Variants in RNF213 observed in about 807,000 individuals in gnomAD.
RNF213 encodes the protein E3 ubiquitin-protein ligase RNF213.
Under a neutral mutation model 514.4 loss-of-function variants are expected in RNF213, and 341 were observed. The observed-to-expected ratio is 0.66, with a 90% CI of 0.61 to 0.73. The LOEUF (loss-of-function observed/expected upper bound fraction) is 0.73. Ranked by LOEUF, RNF213 falls within the 30% of genes least tolerant of loss-of-function variation. The probability of loss-of-function intolerance (pLI) is 0.00; values close to 1 mark genes in which losing one functional copy is unlikely to be tolerated. For missense variants in RNF213, 5,767 were observed against 6,615.6 expected, an observed-to-expected ratio of 0.87 and a Z score of 4.45; for synonymous variants, 2,655 against 2,658.2, an observed-to-expected ratio of 1.00 and a Z score of 0.04.
At chr17:80,326,989 AATC>A (rs2046297119) in intron 18 of RNF213, among the ~76,000 whole-genome samples, 1 of 152,232 alleles carries the variant, frequency 6.6e-6, no homozygotes. Context: ...TTTATCATAA[AATC>A]AGTTCCAAGA....
At chr17:80,309,859 C>T (rs2045506092) in intron 14 of RNF213, among the ~76,000 whole-genome samples, 1 of 151,352 alleles carries the variant, frequency 6.6e-6, no homozygotes. Flanking sequence ...GGGTTCACGC[C>T]ATTCTCCTGT....
rs1017198225 is a variant in RNF213 at position 80,326,912 on chromosome 17, C to G, written c.3194-904C>G. Among the ~76,000 whole-genome samples, 7 of 152,200 alleles carry G rather than the reference C, an allele frequency of 4.6e-5. 1 individual carries two copies. In the South Asian group the frequency reaches 8.3e-4, roughly 18 times the overall value. On this transcript the variant is annotated intron_variant, in intron 18 of 67. Coordinates refer to ENST00000582970, the MANE Select transcript of RNF213 (RefSeq NM_001256071.3). ...CATCTTCTCCTAATATTGTATGGCT[C>G]TAATATTACTGGGAGAGAAATCCTA...
chr17:80,331,571 T>C (rs1202480190), intron 20 of RNF213, among the ~76,000 whole-genome samples: 1 of 152,046 alleles, frequency 6.6e-6, no homozygotes, highest in African/African-American at 2.4e-5. Flanking sequence ...GTATTTTTAG[T>C]AGAGACAGGG....
chr17:80,263,894 C>A lies in RNF213; in HGVS notation c.97+116C>A. 2.5e-6 allele frequency: 2 copies of A among 785,586 alleles called. No homozygotes were observed. The highest frequency in any genetic ancestry group is 4.2e-5 in the Admixed American group (2 of 48,080). The allele number at this position is 785,586 out of a possible 1,614,324, so 48.7% of individuals were successfully genotyped here. ...CAGGCAGCTCAGGTGGGGCCGAGGTCCTCTGTGGCTACTGAGGCTCTGTGG... is the reference window on the plus strand; with the variant it reads ...CAGGCAGCTCAGGTGGGGCCGAGGTACTCTGTGGCTACTGAGGCTCTGTGG... On this transcript the variant is annotated intron_variant, in intron 2 of 67. Coordinates refer to ENST00000582970, the MANE Select transcript of RNF213 (RefSeq NM_001256071.3). The surrounding 1 kb of genome is among the most constrained non-coding windows in gnomAD (Gnocchi z 4.9).
rs148995852 is a variant in RNF213, at chr17:80,282,248, G to A, written c.262-5567G>A. On this transcript the variant is annotated intron_variant, in intron 3 of 67. Coordinates refer to ENST00000582970, the MANE Select transcript of RNF213 (RefSeq NM_001256071.3). ...TGTATGAACAGTTGCTACACGGTGC[G>A]GTGTTGCTCTTTGTGTTCTTTGTTA... Among the ~76,000 whole-genome samples, 1,177 of 152,146 alleles carry A rather than the reference G, an allele frequency of 7.7e-3. 4 individuals are homozygous for A. Among genetic ancestry groups the A allele is most frequent in the Non-Finnish European group, 0.011 (752 of 67,994 alleles).
intron 17 of RNF213, chr17:80,319,992 T>C: frequency 9.7e-7 from 1 of 1,028,446 alleles, no homozygotes; most frequent in Non-Finnish European, 1.2e-6. Context: ...TTTGATAAGG[T>C]TTTCCTTTCC....
Position 80,383,965 on chromosome 17 carries a change from G to C in RNF213, c.14322+37G>C, listed in dbSNP as rs375274212. 6.2e-6 allele frequency: 10 copies of C among 1,613,924 alleles called. No individual in the cohort carries two copies. In the African/African-American group the frequency reaches 1.3e-4, roughly 22 times the overall value. On this transcript the variant is annotated intron_variant, in intron 59 of 67. Transcript: ENST00000582970. ...TTACTGTGGCTCCCTCCCTCTTTCG[G>C]TGCAGAGTTCCCCAGCAGGCCTGAA...
intron 3 of RNF213, among the ~76,000 whole-genome samples, chr17:80,275,683 A>G (rs1333242460): frequency 6.6e-6 from 1 of 151,690 alleles, no homozygotes; most frequent in African/African-American, 2.4e-5. Context: ...TTTTTTTGAG[A>G]TGGAGTCTCA....
rs1408498329 is a variant in RNF213 at position 80,299,898 on chromosome 17, C to CT, written c.2210+1386dup. On this transcript the variant is annotated intron_variant, in intron 11 of 67. Coordinates refer to ENST00000582970, the MANE Select transcript of RNF213 (RefSeq NM_001256071.3). ...TTCCTGCAAAGGACATGATTTCATT[C>CT]TTTTTTATGGCTGCATAGTATTCCA... 1.2e-4 allele frequency among the ~76,000 whole-genome samples: 18 copies of CT among 152,272 alleles called. No individual in the cohort carries two copies. The East Asian group carries it at 2.7e-3, about 23-fold the overall frequency.
Position 80,386,289 on chromosome 17 carries a change from T to G in RNF213, c.14579T>G (p.Leu4860Trp), listed in dbSNP as rs759660765. ...CCCAAAGACTACTGCAGCACTGACT[T>G]GGATCTGGACACTGAGTTTGAGATC... is the stretch of plus-strand genomic sequence containing the variant. ...NLPKDYCSTD[L>W]DLDTEFEILL... Residue 4860 changes from leucine to tryptophan, a missense_variant, in exon 62 of 68, where the codon TTG (leucine) becomes TGG (tryptophan). Around this residue, in one of 13 missense-constraint regions of RNF213, gnomAD observed 1,245 missense variants for 1,339.0 expected, o/e 0.93. Transcript: ENST00000582970. 3.1e-6 allele frequency: 5 copies of G among 1,612,934 alleles called. No homozygotes were observed. The Admixed American group carries it at 6.7e-5, about 21-fold the overall frequency.
Position 80,307,125 on chromosome 17 carries a change from T to TAGGATGTTC in RNF213, c.2437_2445dup, listed in dbSNP as rs577690513. On this transcript the variant is annotated splice_region_variant and splice_polypyrimidine_tract_variant and intron_variant, in intron 12 of 67. Coordinates refer to ENST00000582970, the MANE Select transcript of RNF213 (RefSeq NM_001256071.3). ...CCTGTTTTTCTTTTTTTCTCTGCCT[T>TAGGATGTTC]AGGATGTTCAGGATGTTCAGAACGT... 2 of 1,613,770 alleles carry TAGGATGTTC rather than the reference T, an allele frequency of 1.2e-6. No individual in the cohort carries two copies. The highest frequency in any genetic ancestry group is 3.3e-5 in the Admixed American group (2 of 59,992).
intron 3 of RNF213, among the ~76,000 whole-genome samples, chr17:80,282,904 G>T (rs1315506070): frequency 6.7e-6 from 1 of 150,176 alleles, no homozygotes; most frequent in Non-Finnish European, 1.5e-5. Context: ...CCCCATGTTG[G>T]CCAGGCTGGT....
chr17:80,389,890 G>C lies in RNF213; in HGVS notation c.15258G>C (p.Lys5086Asn). The stretch of plus-strand genomic sequence containing the variant: ...TCTGGCAGTTCCTGTCTGCTCATAA[G>C]TCTGAACAGCTGCTGCGGCTGCACA... ...IALWQFLSAHKSEQLLRLHKE... is the reference protein window; with the variant it reads ...IALWQFLSAHNSEQLLRLHKE... Residue 5086 changes from lysine to asparagine, a missense_variant, in exon 66 of 68, where the codon AAG (lysine) becomes AAC (asparagine). Lys to Asn is a moderately conservative substitution (Grantham distance 94). Coordinates refer to ENST00000582970, the MANE Select transcript of RNF213 (RefSeq NM_001256071.3). 1 of 1,614,192 alleles carries C rather than the reference G, an allele frequency of 6.2e-7. No individual in the cohort carries two copies. The highest frequency in any genetic ancestry group is 1.1e-5 in the South Asian group (1 of 91,082).
At chr17:80,361,242 T>C (rs949268914) in intron 38 of RNF213, among the ~76,000 whole-genome samples, 13 of 152,170 alleles carry the variant, frequency 8.5e-5, no homozygotes, top group South Asian at 2.1e-4. Flanking sequence ...ACTGGAAAAA[T>C]ATCCTAGGCC....
At chr17:80,272,420 C>A (rs139778288) in intron 2 of RNF213, among the ~76,000 whole-genome samples, 1 of 152,324 alleles carries the variant, frequency 6.6e-6, no homozygotes, top group African/African-American at 2.4e-5. Flanking sequence ...CAGAGTAGGC[C>A]GACGGGGATG....
In RNF213 at chr17:80,353,221, G is replaced by A. The variant is rs549546160; in HGVS notation, c.10423+162G>A. The A allele has an allele frequency of 2.0e-6, 2 of 1,016,892 alleles. No homozygotes were observed. The highest frequency in any genetic ancestry group is 2.9e-6 in the Non-Finnish European group (2 of 680,704). 63.0% of individuals were successfully genotyped at this position (1,016,892 alleles called of 1,614,324 possible). On this transcript the variant is annotated intron_variant, in intron 33 of 67. Coordinates refer to ENST00000582970, the MANE Select transcript of RNF213 (RefSeq NM_001256071.3). This position sits in a 1 kb window ranked among gnomAD's most constrained non-coding sequence, Gnocchi z 5.0. ...CAGAACTGACTGGTGGCTCATCATA[G>A]AGCACCAGGGCCGAGCAGGTGCGCT...
rs1422973902 is a variant in RNF213 at position 80,347,355 on chromosome 17, A to C, written c.9020A>C (p.Lys3007Thr). The C allele has an allele frequency of 6.2e-7, 1 of 1,613,962 alleles. No individual in the cohort carries two copies. The highest frequency in any genetic ancestry group is 8.5e-7 in the Non-Finnish European group (1 of 1,180,036). ...DIFLANLPEA[K>T]CSEEVSPMQL... The stretch of plus-strand genomic sequence containing the variant: ...TTTCTGGCCAATTTGCCCGAGGCCA[A>C]GTGCTCAGAGGAAGTCAGCCCCATG... Residue 3007 changes from lysine to threonine, a missense_variant, in exon 29 of 68, where the codon AAG becomes ACG. Physicochemically the swap from Lys to Thr is moderately conservative, Grantham distance 78 (BLOSUM62 -1). Coordinates refer to ENST00000582970, the MANE Select transcript of RNF213 (RefSeq NM_001256071.3). The surrounding 1 kb of genome is among the most constrained non-coding windows in gnomAD (Gnocchi z 7.2).
At chr17:80,357,396 C>T (rs767473789) in intron 36 of RNF213, among the ~76,000 whole-genome samples, 2 of 152,082 alleles carry the variant, frequency 1.3e-5, no homozygotes, top group South Asian at 2.1e-4. Flanking sequence ...CCCATCTGTC[C>T]GTCCGCCCAT....
chr17:80,297,001 C>G (rs117335306), intron 10 of RNF213, among the ~76,000 whole-genome samples: 6 of 151,444 alleles, frequency 4.0e-5, no homozygotes, highest in Admixed American at 6.6e-5. Flanking sequence ...TAAAAAACAA[C>G]CAAATAAACG....
Sources: allele counts gnomAD v4.1 joint callset (sites outside exome capture counted in the v4.1 genomes callset), GRCh38; gene constraint gnomAD v4.1.1; regional missense constraint gnomAD v4.1.1; non-coding constraint Gnocchi (gnomAD v3.1); transcripts MANE v1.5; gene names NCBI Gene and HGNC (gene_info 2026-07-23, HGNC 2026-07-21).